NRXN3: variants seen among roughly 807,000 people sequenced by gnomAD.
The protein encoded by NRXN3 is neurexin III.
Under a neutral mutation model 137.6 loss-of-function variants are expected in NRXN3, and 32 were observed. That is an observed-to-expected ratio of 0.23 (90% confidence interval 0.18 to 0.31). The LOEUF (loss-of-function observed/expected upper bound fraction) is 0.31. NRXN3 is among the 10% of genes least tolerant of loss of function. The probability of loss-of-function intolerance (pLI) is 1.00; values close to 1 mark genes in which losing one functional copy is unlikely to be tolerated. For missense variants in NRXN3, 1,574 were observed against 2,062.5 expected, an observed-to-expected ratio of 0.76 and a Z score of 4.59; for synonymous variants, 798 against 784.5, an observed-to-expected ratio of 1.02 and a Z score of -0.29.
At chr14:79,468,148 A>G (rs2096454817) in intron 16 of NRXN3, among the ~76,000 whole-genome samples, 1 of 152,250 alleles carries the variant, frequency 6.6e-6, no homozygotes. Context: ...GTACATATGC[A>G]CTTAATAGCA....
intron 8 of NRXN3, among the ~76,000 whole-genome samples, chr14:78,798,318 C>T (rs58813625): frequency 0.01 from 1,561 of 152,292 alleles, 18 homozygotes; most frequent in East Asian, 0.051. Flanking sequence ...CCATTCAAGT[C>T]CCAAATCCAG....
chr14:78,708,880 A>G (rs1178213221), intron 6 of NRXN3, among the ~76,000 whole-genome samples: 1 of 152,220 alleles, frequency 6.6e-6, no homozygotes, highest in African/African-American at 2.4e-5. Context: ...AGGGTGCTTC[A>G]GTAAATCACT....
At chr14:78,529,989 A>C in intron 4 of NRXN3, among the ~76,000 whole-genome samples, 1 of 152,240 alleles carries the variant, frequency 6.6e-6, no homozygotes, top group Admixed American at 6.5e-5. Context: ...TGTTGAATTA[A>C]TAAATATTTA....
intron 6 of NRXN3, among the ~76,000 whole-genome samples, chr14:78,663,725 G>A (rs142400661): frequency 1.3e-4 from 20 of 151,302 alleles, no homozygotes; most frequent in East Asian, 5.8e-4. Context: ...TTTTTTGCTC[G>A]TCAAGATAAA....
intron 15 of NRXN3, among the ~76,000 whole-genome samples, chr14:79,275,501 T>A (rs1365060697): frequency 6.6e-6 from 1 of 152,090 alleles, no homozygotes; most frequent in Non-Finnish European, 1.5e-5. Flanking sequence ...AGGAGAGGCC[T>A]GTGCAGAGAT....
At chr14:78,957,120 G>T in intron 10 of NRXN3, 122 bp from the exon 11 acceptor site, 1 of 1,042,062 alleles carries the variant, frequency 9.6e-7, no homozygotes. Context: ...AATGGACTTT[G>T]GGTGGAATAT....
At chr14:78,947,667 G>C (rs2099368901) in intron 10 of NRXN3, among the ~76,000 whole-genome samples, 1 of 152,176 alleles carries the variant, frequency 6.6e-6, no homozygotes, top group Non-Finnish European at 1.5e-5. Context: ...TGTGCTTAGA[G>C]ACCTGTGCTA....
intron 15 of NRXN3, among the ~76,000 whole-genome samples, chr14:79,428,507 A>C (rs1318141013): frequency 6.6e-6 from 1 of 152,120 alleles, no homozygotes; most frequent in Non-Finnish European, 1.5e-5. Context: ...ATTCAGTGGA[A>C]ATATTCTTTA....
intron 15 of NRXN3, among the ~76,000 whole-genome samples, chr14:79,175,906 T>C (rs2153108996): frequency 6.6e-6 from 1 of 152,330 alleles, no homozygotes; most frequent in Non-Finnish European, 1.5e-5. Context: ...TCAGCACACA[T>C]TTGTGGCATG....
At chr14:78,380,147 G>T (rs2088766830) in intron 4 of NRXN3, among the ~76,000 whole-genome samples, 1 of 152,018 alleles carries the variant, frequency 6.6e-6, no homozygotes, top group African/African-American at 2.4e-5. Flanking sequence ...TGACTTGGAA[G>T]ACTCAAAATA....
intron 15 of NRXN3, among the ~76,000 whole-genome samples, chr14:79,205,165 G>A (rs142511793): frequency 1.2e-4 from 18 of 152,234 alleles, no homozygotes; most frequent in Admixed American, 2.0e-4. Context: ...TATAATTGCC[G>A]CGAATAGTAA....
At chr14:78,225,892 C>A (rs1363969443) in intron 1 of NRXN3, among the ~76,000 whole-genome samples, 3 of 151,664 alleles carry the variant, frequency 2.0e-5, no homozygotes, top group Non-Finnish European at 4.4e-5. Flanking sequence ...TAAACCCTGG[C>A]TGGGATCTTT....
chr14:78,386,138 G>A (rs2089945125), intron 4 of NRXN3, among the ~76,000 whole-genome samples: 2 of 151,980 alleles, frequency 1.3e-5, no homozygotes, highest in African/African-American at 4.8e-5. Flanking sequence ...AGATAGATGC[G>A]GGCAGACAGA....
intron 10 of NRXN3, among the ~76,000 whole-genome samples, chr14:78,837,896 T>G (rs899884531): frequency 1.8e-4 from 28 of 152,206 alleles, no homozygotes; most frequent in African/African-American, 6.8e-4. Flanking sequence ...GAGCATATTT[T>G]CAAGTTGATC....
At chr14:79,230,563 A>C (rs754919088) in intron 15 of NRXN3, among the ~76,000 whole-genome samples, 3 of 152,154 alleles carry the variant, frequency 2.0e-5, no homozygotes, top group Non-Finnish European at 2.9e-5. Context: ...TTTATAATTT[A>C]AATTCTCCAT....
At chr14:79,581,048 G>T (rs1010063494) in intron 16 of NRXN3, among the ~76,000 whole-genome samples, 1 of 152,082 alleles carries the variant, frequency 6.6e-6, no homozygotes, top group African/African-American at 2.4e-5. Flanking sequence ...TTCCCTCTCC[G>T]TGGTCCTGTT....
chr14:78,837,928 C>G (rs2099001577), intron 10 of NRXN3, among the ~76,000 whole-genome samples: 1 of 152,090 alleles, frequency 6.6e-6, no homozygotes, highest in Admixed American at 6.6e-5. Flanking sequence ...CAGCATGAAT[C>G]TATATTAGAA....
At chr14:79,590,386 G>T (rs1268787305) in intron 16 of NRXN3, among the ~76,000 whole-genome samples, 1 of 121,982 alleles carries the variant, frequency 8.2e-6, no homozygotes, top group African/African-American at 3.4e-5. Flanking sequence ...ATGTGGAACT[G>T]TAAGTCCATT....
intron 2 of NRXN3, among the ~76,000 whole-genome samples, chr14:78,251,279 AAAAC>A: frequency 6.6e-6 from 1 of 152,348 alleles, no homozygotes; most frequent in Admixed American, 6.5e-5. Flanking sequence ...CATGTAAAAA[AAAAC>A]AATCTTTCTC....
Sources: allele counts gnomAD v4.1 joint callset (sites outside exome capture counted in the v4.1 genomes callset), GRCh38; gene constraint gnomAD v4.1.1; transcripts MANE v1.5; gene names NCBI Gene and HGNC (gene_info 2026-07-23, HGNC 2026-07-21).